Variants in DMBT1 observed in about 807,000 individuals in gnomAD.
DMBT1 encodes scavenger receptor cysteine-rich domain-containing protein DMBT1.
DMBT1 carries 198 observed loss-of-function variants against 252.9 expected under a neutral mutation model. That is an observed-to-expected ratio of 0.78 (90% confidence interval 0.70 to 0.88). DMBT1 has a LOEUF of 0.88. Among genes scored for constraint, DMBT1 ranks in the 40% least tolerant of loss-of-function variants. The probability of loss-of-function intolerance (pLI) is 0.00; values close to 1 mark genes in which losing one functional copy is unlikely to be tolerated. For missense variants in DMBT1, 2,432 were observed against 2,404.7 expected (o/e 1.01, Z -0.24); for synonymous variants, 990 against 942.7 (o/e 1.05, Z -0.92).
chr10:122,569,209 C>A (rs1200723456), intron 2 of DMBT1, among the ~76,000 whole-genome samples: 1 of 152,132 alleles, frequency 6.6e-6, no homozygotes, highest in African/African-American at 2.4e-5. Context: ...ACGACCACCC[C>A]CGGCCTGGGA....
Position 122,640,155 on chromosome 10 carries a change from C to T in DMBT1, c.7058C>T (p.Thr2353Ile). ...IHVSCRMLQN[T>I]WVDTMYIAND... is the part of the protein sequence containing the mutation. ...GTCAGCTGCAGAATGCTTCAGAACA[C>T]CTGGGTCGACACCATGTACATTGCT... Residue 2353 changes from threonine to isoleucine, a missense_variant, in exon 55 of 56, where the codon ACC (threonine) becomes ATC (isoleucine). Thr to Ile is a moderately conservative substitution (Grantham distance 89). Transcript: ENST00000338354. The T allele has an allele frequency of 6.2e-7, 1 of 1,614,088 alleles. No individual in the cohort carries two copies. The highest frequency in any genetic ancestry group is 8.5e-7 in the Non-Finnish European group (1 of 1,179,906).
In DMBT1 at chr10:122,643,665, T is replaced by G. The variant is rs1200588022; in HGVS notation, c.*267T>G. ...GAATCCATGCTTCTCATCTGCAAAATGAAAATGTCAATACTTACTTCTTAG... is the reference window on the plus strand; with the variant it reads ...GAATCCATGCTTCTCATCTGCAAAAGGAAAATGTCAATACTTACTTCTTAG... On this transcript the variant is annotated 3_prime_UTR_variant, in exon 56 of 56. Transcript: ENST00000338354. 2 of 516,708 alleles carry G rather than the reference T, an allele frequency of 3.9e-6. No homozygotes were observed. Among genetic ancestry groups the G allele is most frequent in the African/African-American group, 3.8e-5 (2 of 52,570 alleles). The allele number at this position is 516,708 out of a possible 1,614,324, so 32.0% of individuals were successfully genotyped here.
intron 46 of DMBT1, among the ~76,000 whole-genome samples, chr10:122,628,893 A>G (rs2098137519): frequency 6.6e-6 from 1 of 152,182 alleles, no homozygotes. Flanking sequence ...AAAATAATCT[A>G]AAATTGACTG....
intron 52 of DMBT1, among the ~76,000 whole-genome samples, chr10:122,635,140 G>C (rs975689048): frequency 6.6e-6 from 1 of 152,180 alleles, no homozygotes; most frequent in African/African-American, 2.4e-5. Context: ...ATCACCATTT[G>C]TGACATTTTA....
In DMBT1 at chr10:122,632,914, G is replaced by T. The variant is rs779256356; in HGVS notation, c.6397+24G>T. 4.3e-5 allele frequency: 70 copies of T among 1,613,636 alleles called. No homozygotes were observed. In the South Asian group the frequency reaches 6.9e-4, roughly 16 times the overall value. On this transcript the variant is annotated intron_variant, in intron 51 of 55. Coordinates refer to ENST00000338354, the MANE Select transcript of DMBT1 (RefSeq NM_001377530.1). ...CAGTAAGTTCTGAGCTCCCTGACAA[G>T]TCTGTGGCAGAGTGGCCTGGAAATT...
rs755681608 is a variant in DMBT1, at chr10:122,586,222, T to C, written c.1622T>C (p.Met541Thr). Reference sequence around the variant, plus strand: ...AGGCAGCTGGGCTGTGGCTGGGCCATGTTGGCCCCAGGAAATGCCCGGTTT... The same window carrying C: ...AGGCAGCTGGGCTGTGGCTGGGCCACGTTGGCCCCAGGAAATGCCCGGTTT... ...VCRQLGCGWA[M>T]LAPGNARFGQ... Residue 541 changes from methionine (M) to threonine (T), a missense_variant, in exon 16 of 56, where the codon ATG (methionine) becomes ACG (threonine). Physicochemically the swap from Met to Thr is moderately conservative, Grantham distance 81. This residue lies in a region of DMBT1 where 1,264 missense variants were observed against 1,082.2 expected (regional missense o/e 1.17). Transcript: ENST00000338354. 2.0e-5 allele frequency: 31 copies of C among 1,588,766 alleles called. 6 individuals carry two copies. Among genetic ancestry groups the C allele is most frequent in the Middle Eastern group, 1.7e-4 (1 of 6,032 alleles).
chr10:122,630,839 A>G lies in DMBT1; in HGVS notation c.6026-122A>G, dbSNP rs1056943456. 3 of 1,125,732 alleles carry G rather than the reference A, an allele frequency of 2.7e-6. No homozygotes were observed. The African/African-American group carries it at 4.7e-5, about 18-fold the overall frequency. The allele number at this position is 1,125,732 out of a possible 1,614,324, so 69.7% of individuals were successfully genotyped here. A position where few individuals can be genotyped will look rare whatever the true frequency, so the allele number is the denominator to read the frequency against. Reference sequence around the variant, plus strand: ...CCAGTACCTCCACCCCAGCTTTTCCACATTTCTATTTGGCGACTTTAGAGG... The same window carrying G: ...CCAGTACCTCCACCCCAGCTTTTCCGCATTTCTATTTGGCGACTTTAGAGG... On this transcript the variant is annotated intron_variant, in intron 48 of 55. Coordinates refer to ENST00000338354, the MANE Select transcript of DMBT1 (RefSeq NM_001377530.1).
chr10:122,620,165 C>A, intron 42 of DMBT1, 88 bp from the exon 43 acceptor site: 1 of 1,396,012 alleles, frequency 7.2e-7, no homozygotes. Context: ...GAATAGTTTT[C>A]ATGATGCTTG....
At chr10:122,634,411 TTCTCTCTCTCTCTCTCTCTTCTCTC>T (rs1334633502) in intron 52 of DMBT1, among the ~76,000 whole-genome samples, 1 of 99,906 alleles carries the variant, frequency 1.0e-5, no homozygotes, top group South Asian at 3.9e-4. Context: ...TTTTCTTTCT[TTCTCTCTCTCTCTCTCTCTTCTCTC>T]TCTCTCTCTC....
rs199856639 is a variant in DMBT1 at position 122,636,044 on chromosome 10, G to A, written c.6602G>A (p.Arg2201His). 2.3e-4 allele frequency: 378 copies of A among 1,613,960 alleles called. 2 individuals are homozygous for A. In the African/African-American group the frequency reaches 4.1e-3, roughly 18 times the overall value. The change falls in exon 53 of 56, where the codon CGC (arginine) becomes CAC (histidine). Residue 2201 changes from arginine to histidine, a missense_variant. This residue lies in a region of DMBT1 where 1,162 missense variants were observed against 1,169.0 expected (regional missense o/e 0.99). Coordinates refer to ENST00000338354, the MANE Select transcript of DMBT1 (RefSeq NM_001377530.1). ...DYIEVFDGPY[R>H]SSPLIARVCD... is the part of the protein sequence containing the mutation. ...ATTGAAGTTTTCGATGGCCCCTACC[G>A]CAGTTCCCCTCTCATTGCTCGAGTT...
intron 44 of DMBT1, among the ~76,000 whole-genome samples, chr10:122,621,846 A>G (rs977795062): frequency 1.3e-5 from 2 of 152,222 alleles, no homozygotes; most frequent in African/African-American, 4.8e-5. Context: ...ATGGGCTAAG[A>G]GTGCAAACGG....
chr10:122,630,324 T>C lies in DMBT1; in HGVS notation c.5859T>C (p.Val1953=). 2 of 1,614,070 alleles carry C rather than the reference T, an allele frequency of 1.2e-6. No individual in the cohort carries two copies. The highest frequency in any genetic ancestry group is 1.7e-6 in the Non-Finnish European group (2 of 1,179,892). ...EAHHNCSFDY[V]EIFDGSLNSS... ...ACCATAACTGCAGTTTTGATTATGT[T>C]GAAATCTTTGATGGATCATTGAATA... The change falls in exon 48 of 56, where the codon GTT becomes GTC. Residue 1953 remains valine, a synonymous_variant. Coordinates refer to ENST00000338354, the MANE Select transcript of DMBT1 (RefSeq NM_001377530.1).
chr10:122,579,006 G>C (rs1475584960), intron 9 of DMBT1, among the ~76,000 whole-genome samples: 1 of 152,082 alleles, frequency 6.6e-6, no homozygotes, highest in African/African-American at 2.4e-5. Context: ...TGGGCCCCTT[G>C]CTTTTTCATG....
At position 122,579,705 on chromosome 10, in the gene DMBT1, T is replaced by C. The variant is rs754896794; in HGVS notation, c.807T>C (p.Asn269=). The change falls in exon 10 of 56, where the codon AAT becomes AAC. Residue 269 remains asparagine (N), a synonymous_variant. Transcript: ENST00000338354. ...ACTACTGGGACACCAATGATGCCAA[T>C]GTGGTCTGCAGGCAGCTGGGCTGTG... ...CDDYWDTNDA[N]VVCRQLGCGW... The C allele has an allele frequency of 6.8e-6, 11 of 1,613,862 alleles. No individual in the cohort carries two copies. The highest frequency in any genetic ancestry group is 5.5e-5 in the South Asian group (5 of 91,076).
In DMBT1 at chr10:122,586,343, T is replaced by C. The variant is rs753250312; in HGVS notation, c.1743T>C (p.His581=). ...WSCPHNGWLS[H]NCGHSEDAGV... Reference sequence around the variant, plus strand: ...GCCCCCACAATGGCTGGCTCTCCCATAACTGTGGCCATAGTGAAGACGCTG... The same window carrying C: ...GCCCCCACAATGGCTGGCTCTCCCACAACTGTGGCCATAGTGAAGACGCTG... The change falls in exon 16 of 56, where the codon CAT becomes CAC. Residue 581 remains histidine, a synonymous_variant. Coordinates refer to ENST00000338354, the MANE Select transcript of DMBT1 (RefSeq NM_001377530.1). The C allele has an allele frequency of 4.8e-5, 77 of 1,588,710 alleles. 5 individuals carry two copies. In the African/African-American group the frequency reaches 7.6e-4, roughly 16 times the overall value.
chr10:122,597,056 T>TGA lies in DMBT1; in HGVS notation c.2917+4_2917+5dup, dbSNP rs369185079. 49,900 of 559,660 alleles carry TGA rather than the reference T, an allele frequency of 0.089. 3,973 individuals are homozygous for TGA. The highest frequency in any genetic ancestry group is 0.3 in the African/African-American group (10,173 of 33,564). The allele number at this position is 559,660 out of a possible 1,614,324, so 34.7% of individuals were successfully genotyped here. A position where few individuals can be genotyped will look rare whatever the true frequency, so the allele number is the denominator to read the frequency against. On this transcript the variant is annotated splice_region_variant and intron_variant, in intron 24 of 55. Coordinates refer to ENST00000338354, the MANE Select transcript of DMBT1 (RefSeq NM_001377530.1). ...ACTCCTGGTCGACGCCCAGTCCAGGTGAGTCCCCAGTGTCCTTCCTTGGGA... is the reference window on the plus strand; with the variant it reads ...ACTCCTGGTCGACGCCCAGTCCAGGTGAGAGTCCCCAGTGTCCTTCCTTGGGA...
In DMBT1 at chr10:122,576,453, G is replaced by A. The variant is rs1351007626; in HGVS notation, c.338G>A (p.Gly113Asp). Residue 113 changes from glycine to aspartate, a missense_variant, in exon 7 of 56, where the codon GGC (glycine) becomes GAC (aspartate). Gly to Asp is a moderately conservative substitution (Grantham distance 94). Around this residue, in one of 3 missense-constraint regions of DMBT1, gnomAD observed 1,264 missense variants for 1,082.2 expected, o/e 1.17. Transcript: ENST00000338354. The part of the protein sequence containing the change: ...RLVNGDGRCQ[G>D]RVEILYRGSW... ...GTGAATGGAGATGGCAGGTGTCAGG[G>A]CCGAGTGGAGATCCTATACCGAGGC... 2 of 1,613,860 alleles carry A rather than the reference G, an allele frequency of 1.2e-6. No individual in the cohort carries two copies. Among genetic ancestry groups the A allele is most frequent in the Non-Finnish European group, 1.7e-6 (2 of 1,179,874 alleles).
At chr10:122,620,970 A>C in intron 43 of DMBT1, 87 bp from the exon 44 acceptor site, 1 of 1,584,104 alleles carries the variant, frequency 6.3e-7, no homozygotes, top group East Asian at 2.2e-5. Context: ...GACTTTGGCC[A>C]TTAGGAAGTG....
chr10:122,589,123 G>A lies in DMBT1; in HGVS notation c.1963G>A (p.Ala655Thr). ...CGWATSAPGN[A>T]RFGQGSGPIV... ...CTGGGCCACGTCAGCCCCAGGAAAT[G>A]CCCGGTTTGGTCAGGGCTCAGGACC... Residue 655 changes from alanine to threonine, a missense_variant, in exon 17 of 56, where the codon GCC becomes ACC. Coordinates refer to ENST00000338354, the MANE Select transcript of DMBT1 (RefSeq NM_001377530.1). 1.9e-6 allele frequency: 3 copies of A among 1,588,590 alleles called. 1 individual carries two copies. The highest frequency in any genetic ancestry group is 2.6e-6 in the Non-Finnish European group (3 of 1,165,842).
Sources: gnomAD v4.1 joint callset for allele counts (sites outside exome capture counted in the v4.1 genomes callset) on GRCh38, gnomAD v4.1.1 for gene constraint, gnomAD v4.1.1 regional missense constraint, MANE v1.5 for transcripts, NCBI Gene and HGNC (gene_info 2026-07-23, HGNC 2026-07-21) for gene names.